The following MDGA2 variants were observed in gnomAD, a reference collection of about 807,000 sequenced individuals.
MDGA2 encodes the protein MAM domain containing glycosylphosphatidylinositol anchor 2.
MDGA2 carries 40 observed loss-of-function variants against 117.8 expected under a neutral mutation model. That is an observed-to-expected ratio of 0.34 (90% CI 0.26 to 0.44). The LOEUF (loss-of-function observed/expected upper bound fraction) is 0.44. Among genes scored for constraint, MDGA2 ranks in the 20% least tolerant of loss-of-function variants. The pLI, the probability that MDGA2 is intolerant of heterozygous loss-of-function variation, is 1.00. For synonymous variants in MDGA2, 452 were observed against 439.0 expected (o/e 1.03, Z -0.37); for missense variants, 1,123 against 1,250.6 (o/e 0.90, Z 1.54).
At chr14:47,466,985 A>C (rs1893617921) in intron 1 of MDGA2, among the ~76,000 whole-genome samples, 1 of 152,108 alleles carries the variant, frequency 6.6e-6, no homozygotes, top group Admixed American at 6.6e-5. Context: ...AACAAGGCCA[A>C]GTGTTTGAGA....
intron 6 of MDGA2, among the ~76,000 whole-genome samples, chr14:47,062,745 G>A (rs1889936770): frequency 6.6e-6 from 1 of 151,908 alleles, no homozygotes. Flanking sequence ...CCATATTTTT[G>A]TCAGTTAGTC....
chr14:46,957,273 C>T lies in MDGA2; in HGVS notation c.2089+101G>A, dbSNP rs1179495252. 5.2e-6 allele frequency: 6 copies of T among 1,157,398 alleles called. No individual in the cohort carries two copies. The East Asian group carries it at 1.5e-4, about 29-fold the overall frequency. 71.7% of individuals were successfully genotyped at this position (1,157,398 alleles called of 1,614,324 possible). ...TTGAGGAGTCAAGCTGTTCTATGCT[C>T]CATTGATTTACAAATGTTTTCATTC... On this transcript the variant is annotated intron_variant, in intron 9 of 16. Transcript: ENST00000399232.
intron 1 of MDGA2, among the ~76,000 whole-genome samples, chr14:47,356,427 G>C (rs1411021818): frequency 6.6e-6 from 1 of 152,184 alleles, no homozygotes; most frequent in Admixed American, 6.5e-5. Context: ...CCCGTGGCCA[G>C]TGGTCTCTGG....
Position 47,674,687 on chromosome 14 carries a change from A to G in MDGA2, c.110T>C (p.Leu37Ser). 2 of 1,152,076 alleles carry G rather than the reference A, an allele frequency of 1.7e-6. No individual in the cohort carries two copies. The highest frequency in any genetic ancestry group is 2.6e-6 in the Non-Finnish European group (2 of 783,386). 71.4% of individuals were successfully genotyped at this position (1,152,076 alleles called of 1,614,324 possible). The stretch of plus-strand genomic sequence containing the variant: ...GGCGCGCTCCACTCGCGCCCGGGCC[A>G]AGCCGAGGTGCCCGGGAACCGCTCG... ...LRRAVPGHLG[L>S]ARARVERAWL... Residue 37 changes from leucine to serine, a missense_variant, in exon 1 of 17, where the codon TTG becomes TCG. Leu to Ser is a moderately radical substitution (Grantham distance 145). Transcript: ENST00000399232.
In MDGA2 at chr14:47,553,746, T is replaced by TA. The variant is rs3039662; in HGVS notation, c.280+120770dup. 4.9e-4 allele frequency among the ~76,000 whole-genome samples: 74 copies of TA among 151,774 alleles called. 1 individual carries two copies. Among genetic ancestry groups the TA allele is most frequent in the African/African-American group, 1.7e-3 (70 of 41,356 alleles). ...CAATACTATAGGATATAGTTCATAATAGAAAAAATATGGCATAAAAGTATA... is the reference window on the plus strand; with the variant it reads ...CAATACTATAGGATATAGTTCATAATAAGAAAAAATATGGCATAAAAGTATA... On this transcript the variant is annotated intron_variant, in intron 1 of 16. Coordinates refer to ENST00000399232, the MANE Select transcript of MDGA2 (RefSeq NM_001113498.3).
intron 1 of MDGA2, among the ~76,000 whole-genome samples, chr14:47,361,114 A>G (rs1271569543): frequency 6.6e-6 from 1 of 151,902 alleles, no homozygotes; most frequent in Non-Finnish European, 1.5e-5. Flanking sequence ...TAACTATGTG[A>G]ATGAATATGT....
chr14:47,053,538 G>A (rs533786950), intron 7 of MDGA2, among the ~76,000 whole-genome samples: 26 of 147,784 alleles, frequency 1.8e-4, no homozygotes, highest in African/African-American at 6.5e-4. Flanking sequence ...TAAAAGGAAT[G>A]GAAGAACTCA....
intron 8 of MDGA2, among the ~76,000 whole-genome samples, chr14:46,988,582 T>C (rs1257521257): frequency 2.0e-5 from 3 of 151,864 alleles, no homozygotes; most frequent in African/African-American, 4.8e-5. Flanking sequence ...AGCTAATGAG[T>C]GGCAGAAGGA....
Position 46,884,697 on chromosome 14 carries a change from T to C in MDGA2, c.2239-2476A>G, listed in dbSNP as rs1043640735. On this transcript the variant is annotated intron_variant, in intron 10 of 16. Transcript: ENST00000399232. The surrounding 1 kb of genome is among the most constrained non-coding windows in gnomAD (Gnocchi z 4.1). ...TATACCATTCAATTGGTTATGCATA[T>C]GGAAAAAAACCACTTGAATTGGAAC... is the stretch of plus-strand genomic sequence containing the variant. Among the ~76,000 whole-genome samples the C allele has an allele frequency of 6.6e-6, 1 of 152,134 alleles. No individual in the cohort carries two copies. Among genetic ancestry groups the C allele is most frequent in the Admixed American group, 6.6e-5 (1 of 15,258 alleles).
At position 47,191,796 on chromosome 14, in the gene MDGA2, G is replaced by A. The variant is rs114956194; in HGVS notation, c.595+26225C>T. On this transcript the variant is annotated intron_variant, in intron 3 of 16. Coordinates refer to ENST00000399232, the MANE Select transcript of MDGA2 (RefSeq NM_001113498.3). ...ACCGCAGTCAGAAAAGAGTAATATT[G>A]CATATCTACTGTTTAGCTTTTCTTC... 3.3e-3 allele frequency among the ~76,000 whole-genome samples: 505 copies of A among 152,204 alleles called. 3 individuals carry two copies. The highest frequency in any genetic ancestry group is 0.012 in the African/African-American group (487 of 41,536).
Position 46,855,663 on chromosome 14 carries a change from C to A in MDGA2, c.2753-509G>T, listed in dbSNP as rs1881240953. On this transcript the variant is annotated intron_variant, in intron 14 of 16. Coordinates refer to ENST00000399232, the MANE Select transcript of MDGA2 (RefSeq NM_001113498.3). The surrounding 1 kb of genome is among the most constrained non-coding windows in gnomAD (Gnocchi z 4.1). Reference sequence around the variant, plus strand: ...CCTGCTGACATCTTGATTTTAGGCCCAGAATGCTTTTTTTAAATTTCTGTT... The same window carrying A: ...CCTGCTGACATCTTGATTTTAGGCCAAGAATGCTTTTTTTAAATTTCTGTT... Among the ~76,000 whole-genome samples, 1 of 152,044 alleles carries A rather than the reference C, an allele frequency of 6.6e-6. No homozygotes were observed. Among genetic ancestry groups the A allele is most frequent in the Non-Finnish European group, 1.5e-5 (1 of 68,004 alleles).
chr14:46,983,337 T>C (rs1327498800), intron 8 of MDGA2, among the ~76,000 whole-genome samples: 1 of 152,140 alleles, frequency 6.6e-6, no homozygotes, highest in Non-Finnish European at 1.5e-5. Flanking sequence ...TATTTTCTAA[T>C]GTGGTCATAT....
chr14:46,954,350 G>A (rs989065581), intron 9 of MDGA2, among the ~76,000 whole-genome samples: 4 of 151,944 alleles, frequency 2.6e-5, no homozygotes, highest in Admixed American at 2.6e-4. Context: ...GAAATAGTGA[G>A]TTGTAAAGTG....
chr14:47,139,037 A>T (rs755102504), intron 4 of MDGA2, among the ~76,000 whole-genome samples: 1 of 152,164 alleles, frequency 6.6e-6, no homozygotes, highest in Admixed American at 6.6e-5. Context: ...TTATTAACAT[A>T]TAATGAATGG....
chr14:47,307,384 C>T (rs956488023), intron 1 of MDGA2, among the ~76,000 whole-genome samples: 1 of 152,018 alleles, frequency 6.6e-6, no homozygotes, highest in Non-Finnish European at 1.5e-5. Flanking sequence ...GTTTTATTAT[C>T]AAAAAATTTG....
chr14:47,261,679 A>T (rs939895266), intron 2 of MDGA2, among the ~76,000 whole-genome samples: 1 of 152,046 alleles, frequency 6.6e-6, no homozygotes, highest in Non-Finnish European at 1.5e-5. Flanking sequence ...ACTTTATGCT[A>T]TTTTCTGAAT....
chr14:46,924,383 T>C (rs911485207), intron 9 of MDGA2, among the ~76,000 whole-genome samples: 1 of 152,076 alleles, frequency 6.6e-6, no homozygotes, highest in Non-Finnish European at 1.5e-5. Context: ...AAGGAACTGA[T>C]TTCAGTAAAG....
At chr14:47,640,565 C>A (rs894798841) in intron 1 of MDGA2, among the ~76,000 whole-genome samples, 4 of 152,028 alleles carry the variant, frequency 2.6e-5, no homozygotes, top group Non-Finnish European at 5.9e-5. Flanking sequence ...AAATTTTTAG[C>A]ATATCATAAA....
At chr14:47,419,816 G>A (rs1206793362) in intron 1 of MDGA2, among the ~76,000 whole-genome samples, 5 of 152,034 alleles carry the variant, frequency 3.3e-5, no homozygotes, top group African/African-American at 1.2e-4. Flanking sequence ...ATTTTTCTAA[G>A]TGGACCATTT....
Sources: allele counts gnomAD v4.1 joint callset (sites outside exome capture counted in the v4.1 genomes callset), GRCh38; gene constraint gnomAD v4.1.1; non-coding constraint Gnocchi (gnomAD v3.1); transcripts MANE v1.5; gene names NCBI Gene and HGNC (gene_info 2026-07-23, HGNC 2026-07-21).